The following HLCS variants were observed in gnomAD, a reference collection of about 807,000 sequenced individuals.
HLCS encodes the protein biotin--protein ligase.
A neutral mutation model predicts 75.0 loss-of-function variants in HLCS; 53 were observed. That is an observed-to-expected ratio of 0.71 (90% CI 0.57 to 0.89). The LOEUF is 0.89. Ranked by LOEUF, HLCS falls within the 40% of genes least tolerant of loss-of-function variation. HLCS has a pLI of 0.00. For synonymous variants in HLCS, 431 were observed against 428.6 expected (o/e 1.01, Z -0.07); for missense variants, 966 against 1,074.0 (o/e 0.90, Z 1.41).
chr21:36,979,272 C>CAAAA (rs35662012), intron 1 of HLCS, among the ~76,000 whole-genome samples: 2 of 109,252 alleles, frequency 1.8e-5, no homozygotes, highest in Non-Finnish European at 3.9e-5. Context: ...GACTCAGTCT[C>CAAAA]AAAAAAAAAA....
At chr21:36,827,130 G>A (rs2062032191) in intron 6 of HLCS, among the ~76,000 whole-genome samples, 1 of 152,252 alleles carries the variant, frequency 6.6e-6, no homozygotes, top group South Asian at 2.1e-4. Flanking sequence ...CTGGGAAATA[G>A]AGGTGCCTTG....
At chr21:36,779,891 G>A (rs534115129) in intron 6 of HLCS, among the ~76,000 whole-genome samples, 2 of 152,176 alleles carry the variant, frequency 1.3e-5, no homozygotes, top group South Asian at 4.2e-4. Context: ...ACTCCGAGAA[G>A]TGTCACACTC....
chr21:36,896,455 C>G, intron 6 of HLCS: 1 of 271,636 alleles, frequency 3.7e-6, no homozygotes, highest in Admixed American at 5.0e-5. Flanking sequence ...AGGTGTCATT[C>G]AAACTTCCTA....
At chr21:36,777,991 C>G (rs543073992) in intron 6 of HLCS, among the ~76,000 whole-genome samples, 8 of 152,126 alleles carry the variant, frequency 5.3e-5, no homozygotes, top group Admixed American at 2.6e-4. Context: ...TTTTTGGAGA[C>G]ACAGTCTCGC....
At chr21:36,931,185 A>C (rs956209060) in intron 4 of HLCS, among the ~76,000 whole-genome samples, 26 of 148,194 alleles carry the variant, frequency 1.8e-4, no homozygotes, top group African/African-American at 6.2e-4. Context: ...CGGGAAGTTG[A>C]GGCAGGAGAA....
Position 36,754,014 on chromosome 21 carries a change from T to A in HLCS, c.*232A>T, listed in dbSNP as rs1337727854. On this transcript the variant is annotated 3_prime_UTR_variant, in exon 11 of 11. Coordinates refer to ENST00000674895, the MANE Select transcript of HLCS (RefSeq NM_001352514.2). Reference sequence around the variant, plus strand: ...AGAGGGGAGAGCAATTTCCCACCTGTGGGAGGGCTTTCCCTAAACTAAATT... The same window carrying A: ...AGAGGGGAGAGCAATTTCCCACCTGAGGGAGGGCTTTCCCTAAACTAAATT... 5 of 580,264 alleles carry A rather than the reference T, an allele frequency of 8.6e-6. No homozygotes were observed. The highest frequency in any genetic ancestry group is 1.5e-5 in the Non-Finnish European group (5 of 326,654). The allele number at this position is 580,264 out of a possible 1,614,324, so 35.9% of individuals were successfully genotyped here. A position where few individuals can be genotyped will look rare whatever the true frequency, so the allele number is the denominator to read the frequency against.
chr21:36,978,563 G>C (rs2069008549), intron 1 of HLCS, among the ~76,000 whole-genome samples: 1 of 152,084 alleles, frequency 6.6e-6, no homozygotes, highest in South Asian at 2.1e-4. Flanking sequence ...GAAGCGTCCT[G>C]ATTAAACTGC....
At position 36,899,966 on chromosome 21, in the gene HLCS, A is replaced by C. The variant is rs372308508; in HGVS notation, c.1621-2835T>G. On this transcript the variant is annotated intron_variant, in intron 5 of 10. Transcript: ENST00000674895. ...TAAAAATACAAAAAATTAGCCATGCATCGTGGTGGGTGCCTGTAATCCCGG... is the reference window on the plus strand; with the variant it reads ...TAAAAATACAAAAAATTAGCCATGCCTCGTGGTGGGTGCCTGTAATCCCGG... Among the ~76,000 whole-genome samples the C allele has an allele frequency of 1.3e-4, 20 of 152,178 alleles. No individual in the cohort carries two copies. In the South Asian group the frequency reaches 3.7e-3, roughly 28 times the overall value.
At chr21:36,818,925 C>T (rs182031397) in intron 6 of HLCS, among the ~76,000 whole-genome samples, 10 of 152,246 alleles carry the variant, frequency 6.6e-5, no homozygotes, top group Admixed American at 4.6e-4. Flanking sequence ...TACACCTTGA[C>T]GAGTTAGTTT....
At chr21:36,840,977 T>C (rs2062596214) in intron 6 of HLCS, among the ~76,000 whole-genome samples, 1 of 152,102 alleles carries the variant, frequency 6.6e-6, no homozygotes, top group Non-Finnish European at 1.5e-5. Context: ...GGATTTTTGT[T>C]TTTTCAAAGA....
upstream of HLCS, chr21:36,968,623 C>T (rs1432317865): frequency 4.6e-5 from 7 of 152,162 alleles, no homozygotes; most frequent in Non-Finnish European, 8.8e-5. Context: ...TGGAGAAGGA[C>T]GTGCAGTTCC....
chr21:36,834,414 G>C (rs1028847325), intron 6 of HLCS, among the ~76,000 whole-genome samples: 4 of 152,208 alleles, frequency 2.6e-5, no homozygotes, highest in Non-Finnish European at 5.9e-5. Flanking sequence ...GCCAAGCATT[G>C]AAAGTAGCCA....
chr21:36,775,861 C>T (rs561056503), intron 6 of HLCS, among the ~76,000 whole-genome samples: 20 of 152,294 alleles, frequency 1.3e-4, no homozygotes, highest in Admixed American at 9.8e-4. Context: ...CAGATGTCTG[C>T]GAACAGTGTT....
intron 6 of HLCS, among the ~76,000 whole-genome samples, chr21:36,820,664 C>T (rs1221789844): frequency 1.3e-5 from 2 of 152,264 alleles, no homozygotes; most frequent in Non-Finnish European, 2.9e-5. Context: ...GGCAGTTTGG[C>T]ACAGGCCTGT....
intron 6 of HLCS, among the ~76,000 whole-genome samples, chr21:36,808,670 A>G (rs999761174): frequency 6.6e-6 from 1 of 152,242 alleles, no homozygotes; most frequent in Non-Finnish European, 1.5e-5. Context: ...TATGATTAAC[A>G]ATGAAATTAA....
At chr21:36,944,607 G>T (rs1451706128) in intron 2 of HLCS, among the ~76,000 whole-genome samples, 1 of 152,004 alleles carries the variant, frequency 6.6e-6, no homozygotes, top group Non-Finnish European at 1.5e-5. Context: ...TTTGGTTTTG[G>T]TTTTTTAATT....
intron 6 of HLCS, among the ~76,000 whole-genome samples, chr21:36,849,631 T>C (rs532741023): frequency 6.6e-6 from 1 of 152,326 alleles, no homozygotes; most frequent in South Asian, 2.1e-4. Flanking sequence ...CACAGCCAAG[T>C]ACCGGGCAGT....
chr21:36,888,444 AAAT>A (rs1461252208), intron 6 of HLCS, among the ~76,000 whole-genome samples: 22 of 25,518 alleles, frequency 8.6e-4, no homozygotes, highest in African/African-American at 1.3e-3. Context: ...AAAAAAAAAA[AAAT>A]ATATATATAT....
At chr21:36,851,936 C>T (rs2063020825) in intron 6 of HLCS, 1 of 152,280 alleles carries the variant, frequency 6.6e-6, no homozygotes, top group Admixed American at 6.5e-5. Flanking sequence ...AGCCCGCAGG[C>T]ACCCTGCTTG....
Sources: allele counts gnomAD v4.1 joint callset (sites outside exome capture counted in the v4.1 genomes callset), GRCh38; gene constraint gnomAD v4.1.1; transcripts MANE v1.5; gene names NCBI Gene and HGNC (gene_info 2026-07-23, HGNC 2026-07-21).